The following DIAPH2 variants were observed in gnomAD, a reference collection of about 807,000 sequenced individuals.
The protein encoded by DIAPH2 is diaphanous related formin 2.
In DIAPH2, 35 loss-of-function variants were observed where a neutral mutation model predicts 92.7. That is an observed-to-expected ratio of 0.38 (90% confidence interval 0.29 to 0.50). The LOEUF is 0.50. Among genes scored for constraint, DIAPH2 ranks in the 20% least tolerant of loss-of-function variants. The pLI, the probability that DIAPH2 is intolerant of heterozygous loss-of-function variation, is 0.94. For missense variants in DIAPH2, 701 were observed against 819.5 expected (o/e 0.86, Z 1.77); for synonymous variants, 301 against 280.4 (o/e 1.07, Z -0.73).
chrX:96,729,288 C>G (rs1452993000), intron 1 of DIAPH2, among the ~76,000 whole-genome samples: 1 of 112,276 alleles, frequency 8.9e-6, no homozygotes, highest in African/African-American at 3.2e-5. Context: ...CAGTATAAAG[C>G]AAACAAACAT....
At chrX:96,955,173 G>A (rs2065802389) in intron 15 of DIAPH2, among the ~76,000 whole-genome samples, 2 of 111,529 alleles carry the variant, frequency 1.8e-5, no homozygotes, top group African/African-American at 6.5e-5. Flanking sequence ...GAGGCCTCAG[G>A]AAACTTACAA....
chrX:96,941,483 G>A (rs2065704178), intron 12 of DIAPH2, among the ~76,000 whole-genome samples: 1 of 111,566 alleles, frequency 9.0e-6, no homozygotes. Context: ...CTTTTAAAAT[G>A]TGTTGCATAA....
intron 25 of DIAPH2, among the ~76,000 whole-genome samples, chrX:97,404,728 A>G (rs2069792107): frequency 8.9e-6 from 1 of 112,130 alleles, no homozygotes; most frequent in Non-Finnish European, 1.9e-5. Flanking sequence ...AAAAAAATGC[A>G]TTCTCTGACA....
At chrX:97,212,749 G>C (rs1370471572) in intron 22 of DIAPH2, among the ~76,000 whole-genome samples, 3 of 110,087 alleles carry the variant, frequency 2.7e-5, no homozygotes, top group Non-Finnish European at 5.7e-5. Context: ...ATAACTTCTT[G>C]AGACATTAGT....
At chrX:96,705,033 G>T (rs932328777) in intron 1 of DIAPH2, among the ~76,000 whole-genome samples, 1 of 102,409 alleles carries the variant, frequency 9.8e-6, no homozygotes, top group Non-Finnish European at 2.0e-5. Context: ...GAGTGCAGTG[G>T]TGCGATCTTG....
intron 5 of DIAPH2, 36 bp downstream of exon 5, chrX:96,881,754 A>G: frequency 8.6e-7 from 1 of 1,165,893 alleles, no homozygotes; most frequent in Admixed American, 2.4e-5. Context: ...TGATTCATAC[A>G]ATTTGTAGTG....
intron 3 of DIAPH2, among the ~76,000 whole-genome samples, chrX:96,753,388 C>T (rs866828643): frequency 6.0e-4 from 67 of 111,807 alleles, no homozygotes; most frequent in Middle Eastern, 9.2e-3. Context: ...GTAAGTATTT[C>T]AAGGTGAGGG....
chrX:96,692,841 A>C (rs1257197901), intron 1 of DIAPH2, among the ~76,000 whole-genome samples: 2 of 112,348 alleles, frequency 1.8e-5, no homozygotes, highest in African/African-American at 6.5e-5. Context: ...CACCACAACA[A>C]CTAAGTTTAT....
intron 17 of DIAPH2, among the ~76,000 whole-genome samples, chrX:96,996,990 G>A (rs933159286): frequency 1.8e-5 from 2 of 111,744 alleles, no homozygotes; most frequent in Non-Finnish European, 3.8e-5. Context: ...AGTATATTTT[G>A]CGAACAGTCA....
At chrX:96,689,781 T>C (rs899211113) in intron 1 of DIAPH2, among the ~76,000 whole-genome samples, 1 of 111,435 alleles carries the variant, frequency 9.0e-6, no homozygotes, top group Non-Finnish European at 1.9e-5. Flanking sequence ...TACATGCTGA[T>C]CTTGTCTCTG....
chrX:97,133,603 G>T (rs1005457564), intron 21 of DIAPH2, among the ~76,000 whole-genome samples: 1 of 112,124 alleles, frequency 8.9e-6, no homozygotes, highest in Non-Finnish European at 1.9e-5. Context: ...ACTGTTTTCT[G>T]TGCCACTCTG....
At chrX:97,291,646 C>G (rs1309688161) in intron 23 of DIAPH2, among the ~76,000 whole-genome samples, 1 of 108,910 alleles carries the variant, frequency 9.2e-6, no homozygotes, top group East Asian at 2.9e-4. Context: ...GATTCTCCCA[C>G]CTCAGCCTCC....
intron 25 of DIAPH2, among the ~76,000 whole-genome samples, chrX:97,425,979 A>C: frequency 9.1e-6 from 1 of 110,321 alleles, no homozygotes; most frequent in Middle Eastern, 4.6e-3. Context: ...CCATCCAATG[A>C]CACCCAAATC....
intron 24 of DIAPH2, among the ~76,000 whole-genome samples, chrX:97,351,414 A>C (rs1398352456): frequency 1.8e-5 from 2 of 112,307 alleles, no homozygotes; most frequent in Non-Finnish European, 3.8e-5. Flanking sequence ...AAACAAATGC[A>C]ATATAATTTG....
At chrX:97,423,668 G>T (rs1012469126) in intron 25 of DIAPH2, among the ~76,000 whole-genome samples, 1 of 111,523 alleles carries the variant, frequency 9.0e-6, no homozygotes, top group Non-Finnish European at 1.9e-5. Context: ...AGTAATATCT[G>T]TGACTTTCAA....
At chrX:97,340,481 C>G (rs1272230524) in intron 23 of DIAPH2, among the ~76,000 whole-genome samples, 1 of 110,894 alleles carries the variant, frequency 9.0e-6, no homozygotes, top group Non-Finnish European at 1.9e-5. Flanking sequence ...TCCTCCTTCT[C>G]CATAGACAAG....
At position 97,204,349 on chromosome X, in the gene DIAPH2, AG is replaced by A. The variant is rs747757408; in HGVS notation, c.2720-43363del. ...GCAATCAGGCAGGAGAAAGAAATAA[AG>A]GGTATTCACATAGGAAGAGAGGAAG... On this transcript the variant is annotated intron_variant, in intron 22 of 26. Coordinates refer to ENST00000324765, the MANE Select transcript of DIAPH2 (RefSeq NM_006729.5). Among the ~76,000 whole-genome samples, 721 of 111,829 alleles carry A rather than the reference AG, an allele frequency of 6.4e-3. 2 individuals are homozygous for A. Among genetic ancestry groups the A allele is most frequent in the African/African-American group, 0.022 (684 of 30,776 alleles).
intron 22 of DIAPH2, among the ~76,000 whole-genome samples, chrX:97,185,393 GTGTATATA>G (rs2067580792): frequency 6.6e-5 from 1 of 15,056 alleles, no homozygotes; most frequent in African/African-American, 5.6e-4. Flanking sequence ...ATATATATAT[GTGTATATA>G]TATATATATG....
intron 23 of DIAPH2, among the ~76,000 whole-genome samples, chrX:97,284,587 G>T (rs2068524658): frequency 9.6e-6 from 1 of 103,924 alleles, no homozygotes; most frequent in African/African-American, 3.6e-5. Context: ...TTCAGCGTGG[G>T]CAACAAGACT....
Sources: gnomAD v4.1 joint callset for allele counts (sites outside exome capture counted in the v4.1 genomes callset) on GRCh38, gnomAD v4.1.1 for gene constraint, MANE v1.5 for transcripts, NCBI Gene and HGNC (gene_info 2026-07-23, HGNC 2026-07-21) for gene names.